Variants in DCBLD1 observed in about 807,000 individuals in gnomAD.
The protein encoded by DCBLD1 is discoidin, CUB and LCCL domain-containing protein 1.
In DCBLD1, 57 loss-of-function variants were observed where a neutral mutation model predicts 71.5. That is an observed-to-expected ratio of 0.80 (90% confidence interval 0.64 to 0.99). The LOEUF (loss-of-function observed/expected upper bound fraction) is 0.99. DCBLD1 is among the 50% of genes least tolerant of loss of function. The probability of loss-of-function intolerance (pLI) is 0.00; values close to 1 mark genes in which losing one functional copy is unlikely to be tolerated. For missense variants in DCBLD1, 891 were observed against 923.5 expected (o/e 0.96, Z 0.46); for synonymous variants, 380 against 363.8 (o/e 1.04, Z -0.51).
intron 1 of DCBLD1, among the ~76,000 whole-genome samples, chr6:117,492,020 C>T (rs961285957): frequency 6.6e-6 from 1 of 152,162 alleles, no homozygotes; most frequent in Non-Finnish European, 1.5e-5. Flanking sequence ...GATTATTGCT[C>T]CACTTTTAGT....
intron 2 of DCBLD1, among the ~76,000 whole-genome samples, chr6:117,505,172 G>A (rs1005311392): frequency 6.6e-6 from 1 of 152,206 alleles, no homozygotes; most frequent in African/African-American, 2.4e-5. Flanking sequence ...CAAGATGGTA[G>A]TTTCCATATA....
chr6:117,489,289 T>A (rs369900887), intron 1 of DCBLD1, among the ~76,000 whole-genome samples: 60 of 152,162 alleles, frequency 3.9e-4, no homozygotes, highest in African/African-American at 1.4e-3. Flanking sequence ...TTGTGTGAAG[T>A]AGTAGCAAGA....
Position 117,545,659 on chromosome 6 carries a change from G to C in DCBLD1, c.1615+62G>C, listed in dbSNP as rs539565213. The C allele has an allele frequency of 2.4e-5, 38 of 1,560,010 alleles. No individual in the cohort carries two copies. In the African/African-American group the frequency reaches 5.2e-4, roughly 21 times the overall value. On this transcript the variant is annotated intron_variant, in intron 14 of 14. Transcript: ENST00000338728. The stretch of plus-strand genomic sequence containing the variant: ...GGAGGTGCTGCTTGTGGGGGAGGGA[G>C]ACAGGAGAGAAATAAGGCAAAATCC...
chr6:117,515,292 G>C (rs760131352), intron 2 of DCBLD1, among the ~76,000 whole-genome samples: 1 of 152,146 alleles, frequency 6.6e-6, no homozygotes, highest in Non-Finnish European at 1.5e-5. Flanking sequence ...ACAGTGCTGG[G>C]ATTACAGGCG....
intron 13 of DCBLD1, 121 bp downstream of exon 13, chr6:117,544,698 AGC>A: frequency 2.1e-6 from 2 of 973,022 alleles, no homozygotes; most frequent in Non-Finnish European, 3.1e-6. Context: ...TAAGCCCTGT[AGC>A]CTTTAAAGTA....
exon 15 of DCBLD1, chr6:117,569,690 G>C: frequency 6.2e-7 from 1 of 1,607,796 alleles, no homozygotes; most frequent in Non-Finnish European, 8.5e-7. Flanking sequence ...AGGTTGCCCC[G>C]GATGGATCTC....
In DCBLD1 at chr6:117,547,598, A is replaced by G. The variant is rs73516406; in HGVS notation, c.1616-309A>G. On this transcript the variant is annotated intron_variant, in intron 14 of 14. Coordinates refer to ENST00000338728, the MANE Select transcript of DCBLD1 (RefSeq NM_001366458.2). ...TCCACACTGTGTGACTTCCACCTCCATAGCTTCTCCAGAGCCAGTTTCAGA... is the reference window on the plus strand; with the variant it reads ...TCCACACTGTGTGACTTCCACCTCCGTAGCTTCTCCAGAGCCAGTTTCAGA... 5.4e-4 allele frequency: 351 copies of G among 644,290 alleles called. No individual in the cohort carries two copies. The African/African-American group carries it at 5.8e-3, about 11-fold the overall frequency. The allele number at this position is 644,290 out of a possible 1,614,324, so 39.9% of individuals were successfully genotyped here.
intron 7 of DCBLD1, among the ~76,000 whole-genome samples, chr6:117,537,662 CTTTTTTTTTTTTTTTT>C (rs68032011): frequency 2.1e-5 from 1 of 46,880 alleles, no homozygotes; most frequent in Admixed American, 3.3e-4. Flanking sequence ...TACATAGCAC[CTTTTTTTTTTTTTTTT>C]TTTTTTTTTT....
intron 1 of DCBLD1, among the ~76,000 whole-genome samples, chr6:117,489,536 T>C (rs1369788732): frequency 2.6e-5 from 4 of 152,184 alleles, no homozygotes; most frequent in Non-Finnish European, 5.9e-5. Context: ...TAGCTCTGTG[T>C]TACCCCCATA....
At chr6:117,547,539 C>G in intron 14 of DCBLD1, 1 of 518,238 alleles carries the variant, frequency 1.9e-6, no homozygotes, top group Non-Finnish European at 3.9e-6. Flanking sequence ...CTGGCCATAT[C>G]AACTCTATTT....
chr6:117,524,479 C>A (rs936503250), intron 4 of DCBLD1, among the ~76,000 whole-genome samples: 3 of 152,222 alleles, frequency 2.0e-5, no homozygotes, highest in Non-Finnish European at 4.4e-5. Flanking sequence ...GCTGAGATTA[C>A]AGGCGTGAGC....
chr6:117,523,997 A>C (rs1469389887), intron 4 of DCBLD1, among the ~76,000 whole-genome samples: 1 of 151,996 alleles, frequency 6.6e-6, no homozygotes, highest in Non-Finnish European at 1.5e-5. Flanking sequence ...TATCTTGTTG[A>C]TATGTTGACA....
chr6:117,540,760 A>G lies in DCBLD1; in HGVS notation c.1194A>G (p.Thr398=), dbSNP rs35230921. Reference sequence around the variant, plus strand: ...GATATGTGCGGGTTGTCCCCCAGACATGGCACCAGAGGATAGCCTTGAAGG... The same window carrying G: ...GATATGTGCGGGTTGTCCCCCAGACGTGGCACCAGAGGATAGCCTTGAAGG... ...VARYVRVVPQ[T]WHQRIALKVE... Residue 398 remains threonine, a synonymous_variant, in exon 10 of 15, where the codon ACA becomes ACG. Coordinates refer to ENST00000338728, the MANE Select transcript of DCBLD1 (RefSeq NM_001366458.2). 0.047 allele frequency: 75,133 copies of G among 1,614,218 alleles called. 1,985 individuals carry two copies. The highest frequency in any genetic ancestry group is 0.053 in the Middle Eastern group (323 of 6,062).
At chr6:117,511,868 G>A (rs1778034451) in intron 2 of DCBLD1, among the ~76,000 whole-genome samples, 1 of 152,068 alleles carries the variant, frequency 6.6e-6, no homozygotes, top group Admixed American at 6.6e-5. Flanking sequence ...GAGCTGTTTT[G>A]GGCTGCAGAC....
intron 2 of DCBLD1, among the ~76,000 whole-genome samples, chr6:117,514,667 T>C (rs1778131944): frequency 6.6e-6 from 1 of 152,074 alleles, no homozygotes; most frequent in South Asian, 2.1e-4. Flanking sequence ...AGTTACAATT[T>C]TGCAGCACAG....
intron 4 of DCBLD1, among the ~76,000 whole-genome samples, chr6:117,523,521 ACAT>A (rs1244314088): frequency 1.3e-5 from 2 of 152,252 alleles, no homozygotes; most frequent in African/African-American, 4.8e-5. Context: ...TACATCATAT[ACAT>A]CATTAGAACT....
At chr6:117,515,038 G>A (rs1311575721) in intron 2 of DCBLD1, among the ~76,000 whole-genome samples, 2 of 66,306 alleles carry the variant, frequency 3.0e-5, no homozygotes, top group East Asian at 1.0e-3. Flanking sequence ...TTTTTTTTTT[G>A]AGACGGAGTC....
chr6:117,539,144 A>G, intron 8 of DCBLD1, 111 bp from the exon 9 acceptor site: 1 of 1,009,902 alleles, frequency 9.9e-7, no homozygotes, highest in Admixed American at 2.7e-5. Flanking sequence ...TTGGCCTGTG[A>G]GATGATCTGA....
At position 117,547,529 on chromosome 6, in the gene DCBLD1, C is replaced by T. The variant is rs948944791; in HGVS notation, c.1616-378C>T. The T allele has an allele frequency of 1.4e-5, 7 of 506,482 alleles. No homozygotes were observed. The East Asian group carries it at 3.6e-4, about 26-fold the overall frequency. 31.4% of individuals were successfully genotyped at this position (506,482 alleles called of 1,614,324 possible). The stretch of plus-strand genomic sequence containing the variant: ...CAAACTACTCTGTGTCCCTCATACT[C>T]TGGCCATATCAACTCTATTTTCGAG... On this transcript the variant is annotated intron_variant, in intron 14 of 14. Transcript: ENST00000338728.
Sources: allele counts gnomAD v4.1 joint callset (sites outside exome capture counted in the v4.1 genomes callset), GRCh38; gene constraint gnomAD v4.1.1; transcripts MANE v1.5; gene names NCBI Gene and HGNC (gene_info 2026-07-23, HGNC 2026-07-21).